NAA16: variants seen among roughly 807,000 people sequenced by gnomAD.
The protein encoded by NAA16 is N-alpha-acetyltransferase 16, NatA auxiliary subunit, also known as NARG1-like protein.
Under a neutral mutation model 110.3 loss-of-function variants are expected in NAA16, and 97 were observed. The observed-to-expected ratio is 0.88, with a 90% CI of 0.75 to 1.04. NAA16 has a LOEUF of 1.04. Ranked by LOEUF, NAA16 falls within the 50% of genes least tolerant of loss-of-function variation. The probability of loss-of-function intolerance (pLI) is 0.00; values close to 1 mark genes in which losing one functional copy is unlikely to be tolerated. For synonymous variants in NAA16, 372 were observed against 330.6 expected (o/e 1.13, Z -1.36); for missense variants, 1,017 against 1,005.1 (o/e 1.01, Z -0.16).
intron 3 of NAA16, 100 bp from the exon 4 acceptor site, chr13:41,320,567 C>T: frequency 1.7e-6 from 2 of 1,175,968 alleles, no homozygotes; most frequent in Non-Finnish European, 1.2e-6. Context: ...CTGAACAAAT[C>T]CCAGGCAAAA....
Position 41,374,807 on chromosome 13 carries a change from C to T in NAA16, c.2365C>T (p.Leu789=). Reference sequence around the variant, plus strand: ...GAAAGCAATTGCTATAGCCACTAGACTAGATGAAACTATAAAAGATAAAGA... The same window carrying T: ...GAAAGCAATTGCTATAGCCACTAGATTAGATGAAACTATAAAAGATAAAGA... ...QEKAIAIATR[L]DETIKDKDVK... is the part of the protein sequence containing the mutation. The change falls in exon 19 of 20, where the codon CTA becomes TTA. Residue 789 remains leucine, a synonymous_variant. Coordinates refer to ENST00000379406, the MANE Select transcript of NAA16 (RefSeq NM_024561.5). The T allele has an allele frequency of 6.2e-7, 1 of 1,610,342 alleles. No individual in the cohort carries two copies. Among genetic ancestry groups the T allele is most frequent in the Non-Finnish European group, 8.5e-7 (1 of 1,178,102 alleles).
chr13:41,323,316 T>C (rs952750589), intron 5 of NAA16, 126 bp downstream of exon 5: 5 of 891,406 alleles, frequency 5.6e-6, no homozygotes, highest in Non-Finnish European at 8.6e-6. Context: ...TTTGACGTAA[T>C]TGGAAACAGT....
Position 41,373,799 on chromosome 13 carries a change from G to A in NAA16, c.2299+19G>A. The A allele has an allele frequency of 6.4e-7, 1 of 1,570,884 alleles. No individual in the cohort carries two copies. The highest frequency in any genetic ancestry group is 1.2e-5 in the South Asian group (1 of 83,554). On this transcript the variant is annotated intron_variant, in intron 18 of 19. Transcript: ENST00000379406. Reference sequence around the variant, plus strand: ...CTTTCAGGTTTGTTTGTAGCCCCCAGGGTTAAAATACTTATGGAAAAAGCG... The same window carrying A: ...CTTTCAGGTTTGTTTGTAGCCCCCAAGGTTAAAATACTTATGGAAAAAGCG...
intron 7 of NAA16, among the ~76,000 whole-genome samples, chr13:41,330,598 C>T (rs1186891237): frequency 2.0e-5 from 3 of 151,946 alleles, no homozygotes; most frequent in Admixed American, 1.3e-4. Context: ...AAACTATACC[C>T]AGATCCTATT....
intron 9 of NAA16, among the ~76,000 whole-genome samples, chr13:41,338,948 C>A (rs1425246365): frequency 3.3e-5 from 5 of 152,036 alleles, no homozygotes; most frequent in Admixed American, 1.3e-4. Flanking sequence ...TAGTAGTTAG[C>A]TGGATTTTTA....
Position 41,316,413 on chromosome 13 carries a change from T to C in NAA16, c.55-433T>C, listed in dbSNP as rs554490716. 2.3e-4 allele frequency among the ~76,000 whole-genome samples: 35 copies of C among 151,984 alleles called. No individual in the cohort carries two copies. In the South Asian group the frequency reaches 4.8e-3, roughly 21 times the overall value. ...CCTCTGCCTCCTGCGTTCAAGCGAT[T>C]CTCCTGCCTAAGCCTCCTGAGTAGC... On this transcript the variant is annotated intron_variant, in intron 1 of 19. Transcript: ENST00000379406.
chr13:41,375,477 A>T lies in NAA16; in HGVS notation c.2470A>T (p.Arg824Trp), dbSNP rs753630507. ...GNCSSQYEEY[R>W]MACHNLLPFT... ...CTGTAGTTCCCAATATGAAGAATAT[A>T]GGATGGCCTGTCATAACCTGCTTCC... The change falls in exon 20 of 20, where the codon AGG becomes TGG. Residue 824 changes from arginine (R) to tryptophan (W), a missense_variant. By Grantham distance (101) the Arg-to-Trp change is moderately radical. Coordinates refer to ENST00000379406, the MANE Select transcript of NAA16 (RefSeq NM_024561.5). The T allele has an allele frequency of 6.2e-7, 1 of 1,613,930 alleles. No individual in the cohort carries two copies. The highest frequency in any genetic ancestry group is 1.1e-5 in the South Asian group (1 of 91,076).
chr13:41,340,306 G>A (rs1479536419), intron 9 of NAA16, among the ~76,000 whole-genome samples: 2 of 152,026 alleles, frequency 1.3e-5, no homozygotes. Context: ...TTTTTTTGAA[G>A]GGTTTTTTGT....
At chr13:41,352,757 T>C (rs1260289991) in intron 9 of NAA16, among the ~76,000 whole-genome samples, 1 of 152,172 alleles carries the variant, frequency 6.6e-6, no homozygotes. Flanking sequence ...GTAGGAGATA[T>C]CCTATGAATT....
chr13:41,361,983 A>G (rs1204336792), intron 12 of NAA16, 48 bp from the exon 13 acceptor site: 2 of 1,587,392 alleles, frequency 1.3e-6, no homozygotes, highest in South Asian at 2.3e-5. Context: ...GATTTTTAGG[A>G]TCTCTTTCAT....
chr13:41,359,726 A>T (rs1037940649), intron 12 of NAA16, among the ~76,000 whole-genome samples: 1 of 151,664 alleles, frequency 6.6e-6, no homozygotes, highest in African/African-American at 2.4e-5. Context: ...AACCTTTCAC[A>T]CTTATACAAG....
At chr13:41,363,309 C>G (rs1459374917) in intron 13 of NAA16, among the ~76,000 whole-genome samples, 1 of 152,098 alleles carries the variant, frequency 6.6e-6, no homozygotes, top group Admixed American at 6.5e-5. Context: ...CTAGGACATT[C>G]TCAGTGAGAG....
intron 13 of NAA16, chr13:41,362,576 C>T: frequency 1.8e-6 from 1 of 549,310 alleles, no homozygotes; most frequent in Non-Finnish European, 2.9e-6. Flanking sequence ...GATATTTGCT[C>T]TCACATTCAG....
rs532441666 is a variant in NAA16, at chr13:41,372,000, G to A, written c.1948-203G>A. 2.6e-5 allele frequency among the ~76,000 whole-genome samples: 4 copies of A among 151,922 alleles called. No individual in the cohort carries two copies. The East Asian group carries it at 7.7e-4, about 29-fold the overall frequency. ...TAAAATGATCTTGATTTTGTAACCAGAAAAAAAGCTATTTCTGTTTTGAAA... is the reference window on the plus strand; with the variant it reads ...TAAAATGATCTTGATTTTGTAACCAAAAAAAAAGCTATTTCTGTTTTGAAA... On this transcript the variant is annotated intron_variant, in intron 15 of 19. Coordinates refer to ENST00000379406, the MANE Select transcript of NAA16 (RefSeq NM_024561.5).
rs553485195 is a variant in NAA16 at position 41,330,653 on chromosome 13, G to C, written c.812-621G>C. ...CAGAGTAACATGTAGTTTATGTATAGATACATCCTTTATGTGGTACTATAA... is the reference window on the plus strand; with the variant it reads ...CAGAGTAACATGTAGTTTATGTATACATACATCCTTTATGTGGTACTATAA... On this transcript the variant is annotated intron_variant, in intron 7 of 19. Coordinates refer to ENST00000379406, the MANE Select transcript of NAA16 (RefSeq NM_024561.5). Among the ~76,000 whole-genome samples the C allele has an allele frequency of 2.0e-5, 3 of 152,114 alleles. No homozygotes were observed. In the East Asian group the frequency reaches 5.8e-4, roughly 29 times the overall value.
chr13:41,370,590 C>T (rs988963417), intron 15 of NAA16, among the ~76,000 whole-genome samples: 1 of 152,158 alleles, frequency 6.6e-6, no homozygotes, highest in Non-Finnish European at 1.5e-5. Flanking sequence ...AGTGAGAAAC[C>T]TTTTTCTGGA....
At chr13:41,357,267 G>A (rs2043010826) in intron 10 of NAA16, among the ~76,000 whole-genome samples, 1 of 152,212 alleles carries the variant, frequency 6.6e-6, no homozygotes, top group South Asian at 2.1e-4. Context: ...GCTACAGTTA[G>A]TTATGATCAT....
chr13:41,340,429 C>T (rs191585111), intron 9 of NAA16, among the ~76,000 whole-genome samples: 45 of 152,062 alleles, frequency 3.0e-4, no homozygotes, highest in African/African-American at 1.0e-3. Context: ...GTTAAGGTGT[C>T]GATTTTAGAT....
chr13:41,343,681 C>T (rs866933155), intron 9 of NAA16, among the ~76,000 whole-genome samples: 3 of 152,150 alleles, frequency 2.0e-5, no homozygotes, highest in Non-Finnish European at 2.9e-5. Flanking sequence ...AGGCGCACAC[C>T]GCCACACCCG....
Sources: allele counts gnomAD v4.1 joint callset (sites outside exome capture counted in the v4.1 genomes callset), GRCh38; gene constraint gnomAD v4.1.1; transcripts MANE v1.5; gene names NCBI Gene and HGNC (gene_info 2026-07-23, HGNC 2026-07-21).